Variants in SCAPER observed in about 807,000 individuals in gnomAD.
The protein encoded by SCAPER is S-phase cyclin A associated protein in the ER.
In SCAPER, 98 loss-of-function variants were observed where a neutral mutation model predicts 182.2. The observed-to-expected ratio is 0.54, with a 90% CI of 0.46 to 0.64. The LOEUF (loss-of-function observed/expected upper bound fraction) is 0.64, where lower values mean the gene tolerates loss of function less well. Among genes scored for constraint, SCAPER ranks in the 30% least tolerant of loss-of-function variants. The pLI is 0.00. For missense variants in SCAPER, 1,432 were observed against 1,690.0 expected (o/e 0.85, Z 2.68); for synonymous variants, 605 against 564.6 (o/e 1.07, Z -1.01).
At chr15:76,438,243 T>C (rs9806402) in intron 25 of SCAPER, among the ~76,000 whole-genome samples, 86,089 of 148,066 alleles carry the variant, frequency 0.58, 25,921 homozygotes, top group East Asian at 0.87. Flanking sequence ...GATCGTGCCA[T>C]TGCACTCCAG....
At chr15:76,866,233 G>A (rs1411509984) in intron 2 of SCAPER, among the ~76,000 whole-genome samples, 7 of 151,724 alleles carry the variant, frequency 4.6e-5, no homozygotes, top group Non-Finnish European at 7.4e-5. Context: ...GAGACAGAGA[G>A]AGACACTGAG....
intron 6 of SCAPER, 108 bp from the exon 7 acceptor site, chr15:76,800,472 A>G: frequency 1.4e-6 from 1 of 723,228 alleles, no homozygotes; most frequent in South Asian, 1.6e-5. Context: ...ACTTTTCAAC[A>G]ACAACAACAA....
chr15:76,775,732 T>G (rs1419373541), intron 8 of SCAPER, among the ~76,000 whole-genome samples: 2 of 152,180 alleles, frequency 1.3e-5, no homozygotes, highest in Admixed American at 6.5e-5. Flanking sequence ...TATAGGATAT[T>G]AATTGATAGC....
intron 17 of SCAPER, among the ~76,000 whole-genome samples, chr15:76,713,069 G>T (rs1170057815): frequency 6.6e-6 from 1 of 152,118 alleles, no homozygotes; most frequent in East Asian, 1.9e-4. Context: ...GATATTGGCT[G>T]TGGGTTTGTC....
chr15:76,704,875 T>A (rs887369897), intron 18 of SCAPER, among the ~76,000 whole-genome samples: 1 of 152,056 alleles, frequency 6.6e-6, no homozygotes, highest in African/African-American at 2.4e-5. Context: ...AGAATGGCGA[T>A]CATTAAAAAG....
At chr15:76,364,459 A>G (rs898208109) in intron 29 of SCAPER, among the ~76,000 whole-genome samples, 1 of 152,122 alleles carries the variant, frequency 6.6e-6, no homozygotes, top group African/African-American at 2.4e-5. Flanking sequence ...GGCTTTGGAA[A>G]TAAGGTGATG....
At chr15:76,688,998 G>C (rs990932066) in intron 20 of SCAPER, among the ~76,000 whole-genome samples, 13 of 151,710 alleles carry the variant, frequency 8.6e-5, no homozygotes, top group Non-Finnish European at 1.5e-4. Context: ...ACAGGTGCTC[G>C]TCACCACGGC....
rs556228850 is a variant in SCAPER at position 76,682,761 on chromosome 15, C to T, written c.2509-16972G>A. ...AAGCAGAGGGCTGGATACTAGCCCCCCAGAGTTACAGCACACAGCCTAGGA... is the reference window on the plus strand; with the variant it reads ...AAGCAGAGGGCTGGATACTAGCCCCTCAGAGTTACAGCACACAGCCTAGGA... On this transcript the variant is annotated intron_variant, in intron 20 of 31. Coordinates refer to ENST00000563290, the MANE Select transcript of SCAPER (RefSeq NM_020843.4). Among the ~76,000 whole-genome samples the T allele has an allele frequency of 3.9e-5, 6 of 152,234 alleles. No individual in the cohort carries two copies. The South Asian group carries it at 1.2e-3, about 32-fold the overall frequency.
At chr15:76,699,134 A>C (rs1426742186) in intron 20 of SCAPER, among the ~76,000 whole-genome samples, 1 of 152,138 alleles carries the variant, frequency 6.6e-6, no homozygotes, top group African/African-American at 2.4e-5. Flanking sequence ...AACTTCACTG[A>C]AGTTGTTTAT....
chr15:76,421,725 G>C (rs1244615636), intron 26 of SCAPER, among the ~76,000 whole-genome samples: 3 of 152,122 alleles, frequency 2.0e-5, no homozygotes, highest in Non-Finnish European at 4.4e-5. Flanking sequence ...GTATTGCCTA[G>C]GTTTTCCTCT....
At chr15:76,414,864 C>T (rs1000329570) in intron 26 of SCAPER, among the ~76,000 whole-genome samples, 27 of 152,158 alleles carry the variant, frequency 1.8e-4, no homozygotes, top group African/African-American at 5.8e-4. Context: ...TTATGTTGTT[C>T]AGTATAGTCA....
chr15:76,587,429 C>T (rs972299043), intron 22 of SCAPER, among the ~76,000 whole-genome samples: 1 of 152,128 alleles, frequency 6.6e-6, no homozygotes, highest in Non-Finnish European at 1.5e-5. Flanking sequence ...GCATTTAAGA[C>T]TATGAACAAC....
chr15:76,383,644 C>T (rs537491623), intron 27 of SCAPER, among the ~76,000 whole-genome samples: 9 of 152,320 alleles, frequency 5.9e-5, no homozygotes, highest in African/African-American at 1.9e-4. Context: ...TCATTGTGCA[C>T]ATGAAGCAAG....
intron 5 of SCAPER, among the ~76,000 whole-genome samples, chr15:76,832,937 T>C (rs2068627376): frequency 6.6e-6 from 1 of 152,172 alleles, no homozygotes; most frequent in Non-Finnish European, 1.5e-5. Context: ...CAGGTATTTT[T>C]TCATAGCAGT....
In SCAPER at chr15:76,348,698, T is replaced by C; in HGVS notation, c.4138A>G (p.Asn1380Asp). ...LGSQDYLELA[N>D]RFPQQAWEEA... ...TCCCAGGCCTGCTGAGGAAATCTGT[T>C]AGCCAGCTCAAGATAGTCTTGGGAA... The change falls in exon 32 of 32, where the codon AAC (asparagine) becomes GAC (aspartate). Residue 1380 changes from asparagine (N) to aspartate (D), a missense_variant. Asn to Asp is a conservative substitution (Grantham distance 23). This residue lies in a region of SCAPER where 718 missense variants were observed against 799.7 expected (regional missense o/e 0.90). Transcript: ENST00000563290. 1 of 1,558,432 alleles carries C rather than the reference T, an allele frequency of 6.4e-7. No homozygotes were observed. Among genetic ancestry groups the C allele is most frequent in the Non-Finnish European group, 8.7e-7 (1 of 1,149,574 alleles).
intron 24 of SCAPER, among the ~76,000 whole-genome samples, chr15:76,472,550 G>A (rs2050271183): frequency 6.6e-6 from 1 of 152,166 alleles, no homozygotes; most frequent in South Asian, 2.1e-4. Context: ...ATTTTTAGTA[G>A]AGACGGGGTT....
intron 17 of SCAPER, among the ~76,000 whole-genome samples, chr15:76,721,479 T>C (rs969553681): frequency 1.3e-5 from 2 of 152,028 alleles, no homozygotes; most frequent in Non-Finnish European, 2.9e-5. Context: ...ATTGGCAGCT[T>C]GATGGGGATG....
chr15:76,381,254 T>G, intron 28 of SCAPER, 124 bp downstream of exon 28: 2 of 637,028 alleles, frequency 3.1e-6, no homozygotes, highest in Non-Finnish European at 5.2e-6. Flanking sequence ...ATAATATATA[T>G]TATAATTCCA....
In SCAPER at chr15:76,850,555, G is replaced by T. The variant is rs187410815; in HGVS notation, c.195+7254C>A. Among the ~76,000 whole-genome samples, 71 of 152,248 alleles carry T rather than the reference G, an allele frequency of 4.7e-4. 1 individual carries two copies. Among genetic ancestry groups the T allele is most frequent in the Admixed American group, 1.6e-3 (25 of 15,278 alleles). The stretch of plus-strand genomic sequence containing the variant: ...TTTAATAAGGGTTCTTAACCAGGCT[G>T]AGCTGGCTGAAATGACAGAAATAGA... On this transcript the variant is annotated intron_variant, in intron 4 of 31. Coordinates refer to ENST00000563290, the MANE Select transcript of SCAPER (RefSeq NM_020843.4).
Sources: allele counts gnomAD v4.1 joint callset (sites outside exome capture counted in the v4.1 genomes callset), GRCh38; gene constraint gnomAD v4.1.1; regional missense constraint gnomAD v4.1.1; transcripts MANE v1.5; gene names NCBI Gene and HGNC (gene_info 2026-07-23, HGNC 2026-07-21).